ELFN2: variants seen among roughly 807,000 people sequenced by gnomAD.
ELFN2 encodes the protein extracellular leucine rich repeat and fibronectin type III domain containing 2, also known as protein phosphatase 1 regulatory subunit 29.
In ELFN2, 17 loss-of-function variants were observed where a neutral mutation model predicts 45.5. The observed-to-expected ratio is 0.37, with a 90% CI of 0.26 to 0.56. ELFN2 has a LOEUF of 0.56. Ranked by LOEUF, ELFN2 falls within the 20% of genes least tolerant of loss-of-function variation. The pLI is 0.77. For synonymous variants in ELFN2, 550 were observed against 551.5 expected (o/e 1.00, Z 0.04); for missense variants, 922 against 1,183.2 (o/e 0.78, Z 3.24).
intron 1 of ELFN2, among the ~76,000 whole-genome samples, chr22:37,356,214 A>G (rs1306824299): frequency 6.6e-6 from 1 of 152,112 alleles, no homozygotes; most frequent in Non-Finnish European, 1.5e-5. Context: ...GAAGGACTAG[A>G]GGCTGCTGGG....
intron 1 of ELFN2, among the ~76,000 whole-genome samples, chr22:37,425,690 A>C (rs1932842279): frequency 6.6e-6 from 1 of 152,076 alleles, no homozygotes; most frequent in Non-Finnish European, 1.5e-5. Flanking sequence ...GATGGCCCAG[A>C]GGTACCCACC....
intron 2 of ELFN2, among the ~76,000 whole-genome samples, chr22:37,385,547 G>A (rs985533557): frequency 6.6e-6 from 1 of 152,248 alleles, no homozygotes; most frequent in African/African-American, 2.4e-5. Flanking sequence ...CAGTGGCACA[G>A]GCCGGGGCAG....
chr22:37,412,923 G>A (rs879487398), intron 2 of ELFN2, among the ~76,000 whole-genome samples: 24 of 152,240 alleles, frequency 1.6e-4, no homozygotes, highest in African/African-American at 2.6e-4. Flanking sequence ...CCCTAACCAC[G>A]CTCCCCACTT....
intron 1 of ELFN2, among the ~76,000 whole-genome samples, chr22:37,347,879 C>T (rs796112612): frequency 4.6e-5 from 7 of 152,326 alleles, no homozygotes; most frequent in African/African-American, 1.7e-4. Context: ...GATATTTGAA[C>T]CCCTTTACAG....
At chr22:37,427,238 A>C in intron 1 of ELFN2, 60 bp downstream of exon 1, 1 of 121,100 alleles carries the variant, frequency 8.3e-6, no homozygotes, top group Non-Finnish European at 1.7e-5. Context: ...TCCAGCCCCG[A>C]CTCCCACCGT....
rs1050969469 is a variant in ELFN2, at chr22:37,373,660, G to C, written c.1875C>G (p.Thr625=). The C allele has an allele frequency of 3.4e-5, 54 of 1,580,540 alleles. No homozygotes were observed. Among genetic ancestry groups the C allele is most frequent in the Non-Finnish European group, 4.5e-5 (52 of 1,164,950 alleles). ...TGGACGACACGCTGCAGGTCTTGCG[G>C]GTCACGGCCGCGTCGGCGCTCAGCT... The part of the protein sequence containing the change: ...QRQLSADAAV[T]RKTCSVSSSG... The change falls in exon 3 of 3, where the codon ACC becomes ACG. Residue 625 remains threonine, a synonymous_variant. Transcript: ENST00000402918.
chr22:37,424,428 G>A (rs1024921522), intron 1 of ELFN2, among the ~76,000 whole-genome samples: 2 of 152,162 alleles, frequency 1.3e-5, no homozygotes, highest in South Asian at 4.1e-4. Context: ...CGCCCCACTG[G>A]AGAAGGCTTG....
At chr22:37,361,041 T>C (rs1247364353) in intron 1 of ELFN2, among the ~76,000 whole-genome samples, 2 of 152,120 alleles carry the variant, frequency 1.3e-5, no homozygotes, top group Admixed American at 1.3e-4. Context: ...ACCTGAACCA[T>C]GTCAAAGGAC....
intron 2 of ELFN2, among the ~76,000 whole-genome samples, chr22:37,391,098 G>A (rs140900375): frequency 6.6e-6 from 1 of 152,360 alleles, no homozygotes; most frequent in Non-Finnish European, 1.5e-5. Context: ...CGCAAGTGGA[G>A]GACCCACAGC....
chr22:37,356,539 G>A (rs1930954155), intron 1 of ELFN2, among the ~76,000 whole-genome samples: 1 of 152,162 alleles, frequency 6.6e-6, no homozygotes, highest in Non-Finnish European at 1.5e-5. Flanking sequence ...CTCTGAAATG[G>A]CTGTCTACGT....
rs370109757 is a variant in ELFN2, at chr22:37,374,129, C to T, written c.1406G>A (p.Arg469His). 2.5e-6 allele frequency: 4 copies of T among 1,612,916 alleles called. No individual in the cohort carries two copies. The highest frequency in any genetic ancestry group is 4.5e-5 in the East Asian group (2 of 44,880). The change falls in exon 3 of 3, where the codon CGC becomes CAC. Residue 469 changes from arginine (R) to histidine (H), a missense_variant. By Grantham distance (29) the Arg-to-His change is conservative (BLOSUM62 0). This residue lies in a region of ELFN2 where 564 missense variants were observed against 642.8 expected (regional missense o/e 0.88). Coordinates refer to ENST00000402918, the MANE Select transcript of ELFN2 (RefSeq NM_052906.5). ...LGEPPVLPVS[R>H]MASIPSMIGE... is the part of the protein sequence containing the mutation. ...GATCATGGAGGGGATGGAGGCCATGCGAGATACGGGCAGCACGGGAGGCTC... is the reference window on the plus strand; with the variant it reads ...GATCATGGAGGGGATGGAGGCCATGTGAGATACGGGCAGCACGGGAGGCTC...
At chr22:37,351,156 TCTC>T (rs1930812071) in intron 1 of ELFN2, among the ~76,000 whole-genome samples, 1 of 147,478 alleles carries the variant, frequency 6.8e-6, no homozygotes, top group South Asian at 2.1e-4. Flanking sequence ...TCCTCCCTCC[TCTC>T]CTCCTTCTCC....
intron 1 of ELFN2, among the ~76,000 whole-genome samples, chr22:37,349,144 C>T (rs1930764621): frequency 6.6e-6 from 1 of 151,290 alleles, no homozygotes. Flanking sequence ...CAATGTGATA[C>T]ACCCGGAAAG....
chr22:37,348,780 T>G, intron 1 of ELFN2, among the ~76,000 whole-genome samples: 2 of 148,452 alleles, frequency 1.3e-5, no homozygotes, highest in Non-Finnish European at 3.0e-5. Flanking sequence ...AGGGGGAAGG[T>G]GGGAGAGGAC....
intron 1 of ELFN2, among the ~76,000 whole-genome samples, chr22:37,357,425 A>G (rs1601735825): frequency 6.6e-6 from 1 of 152,222 alleles, no homozygotes; most frequent in Admixed American, 6.5e-5. Flanking sequence ...GTATCTTTGC[A>G]TAGGTTTCTT....
exon 3 of ELFN2, chr22:37,340,647 G>A (rs1930537829): frequency 1.3e-5 from 2 of 152,262 alleles, no homozygotes; most frequent in South Asian, 4.1e-4. Context: ...CAGGGAGCGG[G>A]GAGGCTGCCC....
At position 37,344,310 on chromosome 22, in the gene ELFN2, A is replaced by ACACAAGT. The variant is rs367642413; in HGVS notation, n.149-1614_149-1608dup. 3.8e-3 allele frequency among the ~76,000 whole-genome samples: 568 copies of ACACAAGT among 150,024 alleles called. 2 individuals carry two copies. The highest frequency in any genetic ancestry group is 0.014 in the African/African-American group (546 of 40,408). ...CTCCCACAGCCCAGTCACCACACTC[A>ACACAAGT]CACAAGTCCTACACACACTGCTCCC... On this transcript the variant is annotated intron_variant and non_coding_transcript_variant, in intron 1 of 2. Transcript: ENST00000452946.
At chr22:37,344,510 G>GC (rs1930648886) in intron 1 of ELFN2, among the ~76,000 whole-genome samples, 1 of 151,942 alleles carries the variant, frequency 6.6e-6, no homozygotes, top group Non-Finnish European at 1.5e-5. Context: ...CCCCCCTGCT[G>GC]CCCCCACACA....
chr22:37,403,562 G>A (rs1932418665), intron 2 of ELFN2, among the ~76,000 whole-genome samples: 1 of 152,208 alleles, frequency 6.6e-6, no homozygotes, highest in African/African-American at 2.4e-5. Flanking sequence ...TGAAGCAAAG[G>A]GAGAGAAGCG....
Sources: allele counts gnomAD v4.1 joint callset (sites outside exome capture counted in the v4.1 genomes callset), GRCh38; gene constraint gnomAD v4.1.1; regional missense constraint gnomAD v4.1.1; transcripts MANE v1.5; gene names NCBI Gene and HGNC (gene_info 2026-07-23, HGNC 2026-07-21).